CEP112: variants seen among roughly 807,000 people sequenced by gnomAD.
The protein encoded by CEP112 is centrosomal protein of 112 kDa.
CEP112 carries 127 observed loss-of-function variants against 153.0 expected under a neutral mutation model. That is an observed-to-expected ratio of 0.83 (90% CI 0.72 to 0.96). The LOEUF is 0.96. Among genes scored for constraint, CEP112 ranks in the 40% least tolerant of loss-of-function variants. CEP112 has a pLI of 0.00. For synonymous variants in CEP112, 358 were observed against 374.4 expected, an observed-to-expected ratio of 0.96 and a Z score of 0.51; for missense variants, 1,089 against 1,101.2, an observed-to-expected ratio of 0.99 and a Z score of 0.16.
At chr17:65,704,331 GTTCT>G in intron 23 of CEP112, among the ~76,000 whole-genome samples, 1 of 151,828 alleles carries the variant, frequency 6.6e-6, no homozygotes, top group African/African-American at 2.4e-5. Flanking sequence ...CCAGTTTTTG[GTTCT>G]TTGTTACAGC....
intron 8 of CEP112, among the ~76,000 whole-genome samples, chr17:66,087,011 G>A (rs1568475727): frequency 6.6e-6 from 1 of 152,084 alleles, no homozygotes. Context: ...AAATAAGTCA[G>A]AAATGACTGT....
intron 24 of CEP112, among the ~76,000 whole-genome samples, chr17:65,676,707 C>T (rs182301640): frequency 5.3e-5 from 8 of 152,282 alleles, no homozygotes; most frequent in Admixed American, 1.3e-4. Flanking sequence ...TAAGAGTTCA[C>T]GCTGAGCTTC....
chr17:65,719,938 G>A (rs1339469020), intron 23 of CEP112, among the ~76,000 whole-genome samples: 3 of 152,174 alleles, frequency 2.0e-5, no homozygotes, highest in African/African-American at 7.2e-5. Flanking sequence ...GTTGGAAGGG[G>A]ACAAGCCTGG....
chr17:66,163,527 CTTATT>C (rs1405554695), intron 4 of CEP112, among the ~76,000 whole-genome samples: 1 of 151,752 alleles, frequency 6.6e-6, no homozygotes, highest in Non-Finnish European at 1.5e-5. Context: ...CCACAACATA[CTTATT>C]TTAATTTTTC....
intron 6 of CEP112, among the ~76,000 whole-genome samples, chr17:66,106,377 A>G (rs553589989): frequency 7.2e-5 from 11 of 152,228 alleles, no homozygotes; most frequent in African/African-American, 2.6e-4. Context: ...TCTTCAAGAG[A>G]TCAAATCAAC....
chr17:65,944,500 A>C (rs2061592473), intron 18 of CEP112, among the ~76,000 whole-genome samples: 1 of 152,210 alleles, frequency 6.6e-6, no homozygotes, highest in African/African-American at 2.4e-5. Context: ...TTATTATTAC[A>C]GTTATTTTCA....
intron 20 of CEP112, among the ~76,000 whole-genome samples, chr17:65,857,043 C>T (rs2058144971): frequency 1.3e-5 from 2 of 152,138 alleles, no homozygotes. Context: ...CAAATATCTC[C>T]ATAAAGTGAG....
At chr17:66,077,472 A>T (rs2067545628) in intron 8 of CEP112, among the ~76,000 whole-genome samples, 1 of 152,232 alleles carries the variant, frequency 6.6e-6, no homozygotes, top group African/African-American at 2.4e-5. Flanking sequence ...TCAGAGCTTG[A>T]CGACAAGGTC....
chr17:65,995,331 A>T (rs760113955), intron 17 of CEP112, among the ~76,000 whole-genome samples: 2 of 152,182 alleles, frequency 1.3e-5, no homozygotes, highest in Non-Finnish European at 2.9e-5. Flanking sequence ...AATGATATAC[A>T]GAAGTGCTCA....
intron 20 of CEP112, 48 bp downstream of exon 20, chr17:65,902,104 A>G: frequency 7.0e-7 from 1 of 1,423,932 alleles, no homozygotes; most frequent in Non-Finnish European, 9.8e-7. Context: ...AACGCTGATG[A>G]CTTTTTAAAA....
At chr17:66,029,729 A>T in intron 13 of CEP112, 140 bp downstream of exon 13, 1 of 622,630 alleles carries the variant, frequency 1.6e-6, no homozygotes, top group Non-Finnish European at 2.5e-6. Flanking sequence ...CAAACAAACA[A>T]ACAAACAAAC....
chr17:65,916,657 G>A (rs976083118), intron 19 of CEP112, among the ~76,000 whole-genome samples: 8 of 151,070 alleles, frequency 5.3e-5, no homozygotes, highest in Non-Finnish European at 8.8e-5. Context: ...AACAACCCTC[G>A]CACCTTAGCC....
At chr17:65,920,884 A>T (rs1599019009) in intron 19 of CEP112, among the ~76,000 whole-genome samples, 1 of 152,028 alleles carries the variant, frequency 6.6e-6, no homozygotes, top group East Asian at 1.9e-4. Flanking sequence ...TCTAAACCAA[A>T]CCATGGCATT....
chr17:65,849,850 A>G (rs2057862427), intron 21 of CEP112, among the ~76,000 whole-genome samples: 2 of 152,156 alleles, frequency 1.3e-5, no homozygotes, highest in South Asian at 4.1e-4. Flanking sequence ...GTCTGAGACT[A>G]TACCATATAA....
chr17:65,680,983 G>A (rs2047493630), intron 24 of CEP112, among the ~76,000 whole-genome samples: 1 of 152,122 alleles, frequency 6.6e-6, no homozygotes, highest in African/African-American at 2.4e-5. Flanking sequence ...TCAACACCAG[G>A]GGATTACAAT....
intron 2 of CEP112, among the ~76,000 whole-genome samples, chr17:66,179,205 G>T (rs553673817): frequency 6.6e-6 from 1 of 152,084 alleles, no homozygotes; most frequent in African/African-American, 2.4e-5. Context: ...AAATTTTAAG[G>T]TTGTTTTTTT....
At chr17:65,987,007 G>A (rs1172939642) in intron 17 of CEP112, among the ~76,000 whole-genome samples, 1 of 152,032 alleles carries the variant, frequency 6.6e-6, no homozygotes, top group Non-Finnish European at 1.5e-5. Context: ...ATTCATTATT[G>A]AGTAATGAGA....
chr17:65,746,353 A>G (rs1257238272), intron 22 of CEP112, among the ~76,000 whole-genome samples: 4 of 152,110 alleles, frequency 2.6e-5, no homozygotes, highest in Non-Finnish European at 5.9e-5. Context: ...TTTTGGAAAG[A>G]TATTTTTAAA....
chr17:65,653,929 C>CAG (rs2045921090), intron 24 of CEP112, among the ~76,000 whole-genome samples: 1 of 151,130 alleles, frequency 6.6e-6, no homozygotes, highest in Non-Finnish European at 1.5e-5. Context: ...CGTGGTGGTG[C>CAG]GCACCTGTAG....
Sources: gnomAD v4.1 joint callset for allele counts (sites outside exome capture counted in the v4.1 genomes callset) on GRCh38, gnomAD v4.1.1 for gene constraint, MANE v1.5 for transcripts, NCBI Gene and HGNC (gene_info 2026-07-23, HGNC 2026-07-21) for gene names.